Variants in SNX27 observed in about 807,000 individuals in gnomAD.
The protein encoded by SNX27 is sorting nexin 27.
SNX27 carries 22 observed loss-of-function variants against 71.6 expected under a neutral mutation model. The observed-to-expected ratio is 0.31, with a 90% CI of 0.22 to 0.44. The LOEUF is 0.44. SNX27 is among the 20% of genes least tolerant of loss of function. SNX27 has a pLI of 1.00. For missense variants in SNX27, 531 were observed against 698.6 expected, an observed-to-expected ratio of 0.76 and a Z score of 2.70; for synonymous variants, 269 against 277.2, an observed-to-expected ratio of 0.97 and a Z score of 0.29.
At chr1:151,619,758 A>G (rs778503275) in intron 1 of SNX27, among the ~76,000 whole-genome samples, 1 of 152,166 alleles carries the variant, frequency 6.6e-6, no homozygotes, top group African/African-American at 2.4e-5. Flanking sequence ...TGATATTGGC[A>G]TGCTAAATAT....
intron 6 of SNX27, 134 bp from the exon 7 acceptor site, chr1:151,668,335 CAGA>C: frequency 2.6e-6 from 2 of 757,318 alleles, no homozygotes; most frequent in Non-Finnish European, 4.0e-6. Flanking sequence ...GCTCCCAAGG[CAGA>C]ACTCCTTGGT....
chr1:151,694,405 T>C lies in SNX27; in HGVS notation c.1614T>C (p.Asp538=), dbSNP rs1477349474. The part of the protein sequence containing the change: ...IFQMARSQQR[D]VAT ...AGATGGCGAGGTCACAGCAGAGAGA[T>C]GTGGCCACCTAGCCTTTCCTTATCC... is the stretch of plus-strand genomic sequence containing the variant. The change falls in exon 12 of 12, where the codon GAT becomes GAC. Residue 538 remains aspartate, a synonymous_variant. Coordinates refer to ENST00000458013, the MANE Select transcript of SNX27 (RefSeq NM_001330723.2). 3 of 1,550,416 alleles carry C rather than the reference T, an allele frequency of 1.9e-6. No individual in the cohort carries two copies. In the Admixed American group the frequency reaches 5.9e-5, roughly 30 times the overall value.
intron 5 of SNX27, among the ~76,000 whole-genome samples, chr1:151,665,648 A>C (rs1670155641): frequency 6.6e-6 from 1 of 152,198 alleles, no homozygotes; most frequent in Non-Finnish European, 1.5e-5. Context: ...ATTTAAGGAG[A>C]GACTATTATC....
intron 3 of SNX27, chr1:151,659,991 C>T (rs1021923626): frequency 2.0e-5 from 3 of 152,148 alleles, no homozygotes; most frequent in African/African-American, 4.8e-5. Context: ...GAAGAGAAAC[C>T]ATTTTCCCCA....
At chr1:151,656,178 G>A (rs1197962558) in intron 2 of SNX27, among the ~76,000 whole-genome samples, 3 of 144,664 alleles carry the variant, frequency 2.1e-5, no homozygotes, top group African/African-American at 7.7e-5. Flanking sequence ...AGCAGACATC[G>A]TGCCACTGCA....
intron 2 of SNX27, among the ~76,000 whole-genome samples, chr1:151,642,120 G>C (rs1251223133): frequency 2.6e-5 from 4 of 151,656 alleles, no homozygotes; most frequent in Non-Finnish European, 5.9e-5. Flanking sequence ...TGTAATCCCA[G>C]CACTTTGGGA....
intron 1 of SNX27, among the ~76,000 whole-genome samples, chr1:151,636,200 C>T (rs1222714318): frequency 6.6e-6 from 1 of 152,100 alleles, no homozygotes; most frequent in African/African-American, 2.4e-5. Context: ...AATCAGGGAA[C>T]CGAAAAGTAA....
At chr1:151,674,332 G>A (rs527264899) in intron 7 of SNX27, among the ~76,000 whole-genome samples, 2 of 152,222 alleles carry the variant, frequency 1.3e-5, no homozygotes, top group South Asian at 2.1e-4. Context: ...AACGAATAAA[G>A]GCTCCATGCC....
intron 1 of SNX27, among the ~76,000 whole-genome samples, chr1:151,614,691 G>A (rs1667350880): frequency 6.6e-6 from 1 of 152,128 alleles, no homozygotes; most frequent in South Asian, 2.1e-4. Flanking sequence ...TCCAATAGAA[G>A]GTCTCAGAAT....
chr1:151,624,166 A>C (rs763687759), intron 1 of SNX27, among the ~76,000 whole-genome samples: 1 of 151,434 alleles, frequency 6.6e-6, no homozygotes, highest in Admixed American at 6.6e-5. Context: ...GGGTCTTGCT[A>C]TGTTCCCCAG....
chr1:151,692,970 G>T lies in SNX27; in HGVS notation c.1449G>T (p.Gly483=). The part of the protein sequence containing the change: ...EMQRWDTDEE[G]MAFCFEYARG... ...AGCGATGGGACACAGATGAAGAAGG[G>T]ATGGCCTTCTGTTTCGAATATGCAC... Residue 483 remains glycine (G), a synonymous_variant, in exon 10 of 12, where the codon GGG becomes GGT. Coordinates refer to ENST00000458013, the MANE Select transcript of SNX27 (RefSeq NM_001330723.2). 6.2e-7 allele frequency: 1 copy of T among 1,614,108 alleles called. No homozygotes were observed. The highest frequency in any genetic ancestry group is 8.5e-7 in the Non-Finnish European group (1 of 1,179,952).
intron 7 of SNX27, among the ~76,000 whole-genome samples, chr1:151,681,233 A>ATATTTTTTTTTTTTTTTTTT (rs1558071789): frequency 1.1e-5 from 1 of 87,376 alleles, no homozygotes; most frequent in Non-Finnish European, 2.2e-5. Flanking sequence ...TAGTCTCTCA[A>ATATTTTTTTTTTTTTTTTTT]TCTTTTTTTT....
In SNX27 at chr1:151,612,174, G is replaced by C. The variant is rs937848294; in HGVS notation, c.-28G>C. ...CCGGGAGGCCTTGGAGGCGTAGGGGGCGGGGGTACGGCTCGCCTGCTCGCA... is the reference window on the plus strand; with the variant it reads ...CCGGGAGGCCTTGGAGGCGTAGGGGCCGGGGGTACGGCTCGCCTGCTCGCA... On this transcript the variant is annotated 5_prime_UTR_variant, in exon 1 of 12. Transcript: ENST00000458013. This position sits in a 1 kb window ranked among gnomAD's most constrained non-coding sequence, Gnocchi z 5.2. 3.4e-5 allele frequency: 45 copies of C among 1,325,174 alleles called. No homozygotes were observed. The highest frequency in any genetic ancestry group is 2.5e-4 in the Middle Eastern group (1 of 3,968). The allele number at this position is 1,325,174 out of a possible 1,614,324, so 82.1% of individuals were successfully genotyped here. A position where few individuals can be genotyped will look rare whatever the true frequency, so the allele number is the denominator to read the frequency against.
rs1671920630 is a variant in SNX27, at chr1:151,699,057, A to G, written c.*4640A>G. On this transcript the variant is annotated 3_prime_UTR_variant, in exon 12 of 12. Coordinates refer to ENST00000458013, the MANE Select transcript of SNX27 (RefSeq NM_001330723.2). ...AATTAATTGTAACATATTCTTTTAAATAAATTGATTTATTGATCAAACACT... is the reference window on the plus strand; with the variant it reads ...AATTAATTGTAACATATTCTTTTAAGTAAATTGATTTATTGATCAAACACT... 1 of 152,666 alleles carries G rather than the reference A, an allele frequency of 6.6e-6. No homozygotes were observed. The highest frequency in any genetic ancestry group is 1.5e-5 in the Non-Finnish European group (1 of 68,048). 9.5% of individuals were successfully genotyped at this position (152,666 alleles called of 1,614,324 possible).
intron 5 of SNX27, among the ~76,000 whole-genome samples, chr1:151,664,249 T>TATA (rs948458027): frequency 6.8e-6 from 1 of 146,742 alleles, no homozygotes; most frequent in African/African-American, 2.5e-5. Context: ...ATATATTATA[T>TATA]ATAATAATTT....
In SNX27 at chr1:151,650,254, T is replaced by C. The variant is rs1669263241; in HGVS notation, c.544-7981T>C. 3.3e-5 allele frequency among the ~76,000 whole-genome samples: 5 copies of C among 152,234 alleles called. No homozygotes were observed. In the South Asian group the frequency reaches 6.2e-4, roughly 19 times the overall value. On this transcript the variant is annotated intron_variant, in intron 2 of 11. Transcript: ENST00000458013. Reference sequence around the variant, plus strand: ...TGTTCCCCAGGCTATTCTCACACTCTCAGCCTCAGCAATCCTCCTTCCTCA... The same window carrying C: ...TGTTCCCCAGGCTATTCTCACACTCCCAGCCTCAGCAATCCTCCTTCCTCA...
At chr1:151,617,902 A>T (rs1571751904) in intron 1 of SNX27, among the ~76,000 whole-genome samples, 1 of 125,516 alleles carries the variant, frequency 8.0e-6, no homozygotes. Flanking sequence ...TTTTTTTTTT[A>T]AAGAGATAGG....
intron 2 of SNX27, 39 bp from the exon 3 acceptor site, chr1:151,658,196 T>C: frequency 6.4e-7 from 1 of 1,553,224 alleles, no homozygotes; most frequent in African/African-American, 1.4e-5. Context: ...ATTTAATTTG[T>C]ATTAAGTATG....
chr1:151,660,238 C>T (rs978061054), intron 3 of SNX27: 2 of 150,588 alleles, frequency 1.3e-5, no homozygotes, highest in African/African-American at 4.9e-5. Context: ...CACGTCCCCC[C>T]AGTTTTTTTT....
Sources: gnomAD v4.1 joint callset for allele counts (sites outside exome capture counted in the v4.1 genomes callset) on GRCh38, gnomAD v4.1.1 for gene constraint, Gnocchi (gnomAD v3.1) non-coding constraint, MANE v1.5 for transcripts, NCBI Gene and HGNC (gene_info 2026-07-23, HGNC 2026-07-21) for gene names.